Variants in DNAJC6 observed in about 807,000 individuals in gnomAD.
DNAJC6 encodes the protein DnaJ heat shock protein family (Hsp40) member C6, also known as auxilin.
Under a neutral mutation model 110.0 loss-of-function variants are expected in DNAJC6, and 34 were observed. That is an observed-to-expected ratio of 0.31 (90% CI 0.24 to 0.41). DNAJC6 has a LOEUF of 0.41. Among genes scored for constraint, DNAJC6 ranks in the 10% least tolerant of loss-of-function variants. DNAJC6 has a pLI of 1.00. For synonymous variants in DNAJC6, 406 were observed against 437.2 expected (o/e 0.93, Z 0.89); for missense variants, 1,031 against 1,207.8 (o/e 0.85, Z 2.17).
intron 1 of DNAJC6, chr1:65,345,618 T>C (rs1645430024): frequency 2.0e-6 from 2 of 982,502 alleles, no homozygotes; most frequent in Non-Finnish European, 2.4e-6. Context: ...CAGGAGTGGT[T>C]ATTATTGAGT....
chr1:65,353,192 T>C (rs902956114), intron 1 of DNAJC6, among the ~76,000 whole-genome samples: 2 of 152,144 alleles, frequency 1.3e-5, no homozygotes, highest in Admixed American at 6.5e-5. Context: ...AAAAAAACAA[T>C]TGATGGCCCC....
chr1:65,309,498 C>T, upstream of DNAJC6: 1 of 1,184,286 alleles, frequency 8.4e-7, no homozygotes, highest in Non-Finnish European at 1.0e-6. Flanking sequence ...CGCGCGCCCC[C>T]GCCCGGCCGC....
At position 65,289,489 on chromosome 1, in the gene DNAJC6, A is replaced by T. The variant is rs189180777; in HGVS notation, c.-131+24557A>T. 1.6e-4 allele frequency among the ~76,000 whole-genome samples: 24 copies of T among 152,240 alleles called. No individual in the cohort carries two copies. The East Asian group carries it at 4.6e-3, about 29-fold the overall frequency. ...GATTACAGATGTGAGCCACTGCACC[A>T]GGCCAGTCATTTAAATTTTAGCCAT... On this transcript the variant is annotated intron_variant, in intron 1 of 19. Transcript: ENST00000263441.
intron 1 of DNAJC6, among the ~76,000 whole-genome samples, chr1:65,361,901 C>T (rs1453961699): frequency 6.6e-6 from 1 of 152,060 alleles, no homozygotes; most frequent in Non-Finnish European, 1.5e-5. Flanking sequence ...AATTGATACA[C>T]ACATTAATTG....
chr1:65,394,724 G>A (rs554594542), intron 12 of DNAJC6, among the ~76,000 whole-genome samples, 174 bp from the exon 13 acceptor site: 9 of 152,276 alleles, frequency 5.9e-5, no homozygotes, highest in Admixed American at 5.9e-4. Context: ...GCCTTGTGTA[G>A]CAGCAATGGT....
Position 65,364,715 on chromosome 1 carries a change from A to G in DNAJC6, c.274A>G (p.Ser92Gly). The G allele has an allele frequency of 6.2e-7, 1 of 1,611,020 alleles. No individual in the cohort carries two copies. The highest frequency in any genetic ancestry group is 8.5e-7 in the Non-Finnish European group (1 of 1,179,448). Residue 92 changes from serine (S) to glycine (G), a missense_variant, in exon 2 of 19, where the codon AGT becomes GGT. Physicochemically the swap from Ser to Gly is moderately conservative, Grantham distance 56. Coordinates refer to ENST00000371069, the MANE Select transcript of DNAJC6 (RefSeq NM_001256864.2). Reference protein sequence around the residue: ...MVKGGAGRLFSNLKDNLKDTL... With the variant: ...MVKGGAGRLFGNLKDNLKDTL... ...AAAAGGAGGTGCAGGGAGGCTCTTT[A>G]GTAACCTAAAGGACAACTTGAAAGA...
At chr1:65,330,683 G>A (rs1645280451) in intron 1 of DNAJC6, among the ~76,000 whole-genome samples, 2 of 152,140 alleles carry the variant, frequency 1.3e-5, no homozygotes, top group African/African-American at 2.4e-5. Flanking sequence ...TAGCCAGGAT[G>A]GTCTCAATCT....
At chr1:65,346,010 C>T (rs1645433925) in intron 1 of DNAJC6, among the ~76,000 whole-genome samples, 3 of 152,152 alleles carry the variant, frequency 2.0e-5, no homozygotes, top group Non-Finnish European at 4.4e-5. Flanking sequence ...TCTCTTTGTA[C>T]TTAGGTAGCA....
At position 65,383,241 on chromosome 1, in the gene DNAJC6, C is replaced by T. The variant is rs373349435; in HGVS notation, c.667-952C>T. 3.3e-5 allele frequency among the ~76,000 whole-genome samples: 5 copies of T among 152,212 alleles called. No individual in the cohort carries two copies. The East Asian group carries it at 7.7e-4, about 23-fold the overall frequency. On this transcript the variant is annotated intron_variant, in intron 5 of 18. Transcript: ENST00000371069. ...GCTTGAGCTGCTGTAACAAATATAC[C>T]ATAGACCGGGTGGCTTAAACAACAG...
chr1:65,321,808 G>A (rs1645200256), intron 1 of DNAJC6, among the ~76,000 whole-genome samples: 1 of 152,166 alleles, frequency 6.6e-6, no homozygotes, highest in South Asian at 2.1e-4. Context: ...ACATGAGAGA[G>A]ATTTTCAGAA....
chr1:65,343,547 A>G (rs906994860), intron 1 of DNAJC6, among the ~76,000 whole-genome samples: 2 of 152,074 alleles, frequency 1.3e-5, no homozygotes, highest in Non-Finnish European at 2.9e-5. Flanking sequence ...ATGTTACTGC[A>G]TATTAGTCAC....
At chr1:65,276,130 C>T (rs1653663268) in intron 1 of DNAJC6, among the ~76,000 whole-genome samples, 1 of 152,192 alleles carries the variant, frequency 6.6e-6, no homozygotes, top group Admixed American at 6.5e-5. Flanking sequence ...GATCCGCTCA[C>T]CTTGACCTCC....
chr1:65,344,962 G>A (rs1275506026), intron 1 of DNAJC6, among the ~76,000 whole-genome samples: 1 of 152,134 alleles, frequency 6.6e-6, no homozygotes, highest in Non-Finnish European at 1.5e-5. Flanking sequence ...CCCAGTTGGT[G>A]AGCCCTTGTG....
chr1:65,318,687 A>G (rs1485357651), intron 1 of DNAJC6, among the ~76,000 whole-genome samples: 1 of 152,054 alleles, frequency 6.6e-6, no homozygotes, highest in African/African-American at 2.4e-5. Context: ...AACAACACAC[A>G]CTGGAGCTTG....
chr1:65,360,087 T>C (rs1460227280), intron 1 of DNAJC6, among the ~76,000 whole-genome samples: 1 of 152,182 alleles, frequency 6.6e-6, no homozygotes, highest in African/African-American at 2.4e-5. Flanking sequence ...ATTTTCTTCT[T>C]TGTTGTGCCA....
chr1:65,377,169 G>A (rs1361712769), intron 4 of DNAJC6, among the ~76,000 whole-genome samples: 2 of 152,194 alleles, frequency 1.3e-5, no homozygotes, highest in Non-Finnish European at 2.9e-5. Context: ...CAGCAGTTGG[G>A]TAAAATATTC....
intron 1 of DNAJC6, among the ~76,000 whole-genome samples, chr1:65,316,422 G>C (rs1166187718): frequency 6.6e-6 from 1 of 152,174 alleles, no homozygotes; most frequent in Non-Finnish European, 1.5e-5. Context: ...CTCCTCAGCA[G>C]CCTTTACTTC....
intron 5 of DNAJC6, among the ~76,000 whole-genome samples, chr1:65,380,020 C>T (rs1415174234): frequency 6.6e-6 from 1 of 152,166 alleles, no homozygotes; most frequent in African/African-American, 2.4e-5. Flanking sequence ...AGTTCCTTTC[C>T]CTAACTCTTC....
At chr1:65,276,238 A>G (rs1345528278) in intron 1 of DNAJC6, among the ~76,000 whole-genome samples, 1 of 152,178 alleles carries the variant, frequency 6.6e-6, no homozygotes, top group Non-Finnish European at 1.5e-5. Flanking sequence ...TTTCTCAAAT[A>G]CATACATCAC....
Sources: gnomAD v4.1 joint callset for allele counts (sites outside exome capture counted in the v4.1 genomes callset) on GRCh38, gnomAD v4.1.1 for gene constraint, MANE v1.5 for transcripts, NCBI Gene and HGNC (gene_info 2026-07-23, HGNC 2026-07-21) for gene names.